The following SLC14A2 variants were observed in gnomAD, a reference collection of about 807,000 sequenced individuals.
The protein encoded by SLC14A2 is solute carrier family 14 member 2.
SLC14A2 carries 91 observed loss-of-function variants against 104.6 expected under a neutral mutation model. The ratio of observed to expected loss-of-function variants is 0.87; its 90% CI spans 0.73 to 1.04. The LOEUF is 1.04. SLC14A2 is among the 50% of genes least tolerant of loss of function. SLC14A2 has a pLI of 0.00. For missense variants in SLC14A2, 1,189 were observed against 1,156.0 expected (o/e 1.03, Z -0.41); for synonymous variants, 476 against 466.4 (o/e 1.02, Z -0.27).
chr18:45,310,343 A>G lies in SLC14A2; in HGVS notation c.-125+97152A>G, dbSNP rs117803183. On this transcript the variant is annotated intron_variant, in intron 1 of 20. Coordinates refer to the SLC14A2 transcript ENST00000586448. Reference sequence around the variant, plus strand: ...TCCATGGTGCTACCTCTTCACCCACACTTAGTTGTATCATACTTCGCCAGC... The same window carrying G: ...TCCATGGTGCTACCTCTTCACCCACGCTTAGTTGTATCATACTTCGCCAGC... Among the ~76,000 whole-genome samples the G allele has an allele frequency of 6.4e-4, 97 of 152,236 alleles. 1 individual carries two copies. The highest frequency in any genetic ancestry group is 4.6e-3 in the East Asian group (24 of 5,184).
At chr18:45,274,285 C>T (rs751217736) in intron 1 of SLC14A2, among the ~76,000 whole-genome samples, 1 of 152,168 alleles carries the variant, frequency 6.6e-6, no homozygotes, top group Admixed American at 6.6e-5. Flanking sequence ...CGAGGCTAAA[C>T]ATCTGGCTGA....
chr18:45,272,096 AT>A (rs1022782702), intron 1 of SLC14A2, among the ~76,000 whole-genome samples: 63 of 152,198 alleles, frequency 4.1e-4, no homozygotes, highest in Middle Eastern at 3.4e-3. Flanking sequence ...GAATAGCCAT[AT>A]GCTGATAAGG....
In SLC14A2 at chr18:45,683,326, G is replaced by T. The variant is rs1402474996; in HGVS notation, c.*807G>T. On this transcript the variant is annotated 3_prime_UTR_variant, in exon 20 of 20. Coordinates refer to ENST00000255226, the MANE Select transcript of SLC14A2 (RefSeq NM_007163.4). ...CTTAATCAGTTTCATGACAGGGAAG[G>T]ATTTGAAAGTCCTTTCCACCTCAGA... The T allele has an allele frequency of 1.3e-5, 2 of 152,184 alleles. No homozygotes were observed. Among genetic ancestry groups the T allele is most frequent in the Non-Finnish European group, 2.9e-5 (2 of 68,052 alleles). The allele number at this position is 152,184 out of a possible 1,614,324, so 9.4% of individuals were successfully genotyped here.
intron 1 of SLC14A2, among the ~76,000 whole-genome samples, chr18:45,475,429 G>A (rs996808474): frequency 6.6e-6 from 1 of 151,546 alleles, no homozygotes; most frequent in African/African-American, 2.4e-5. Flanking sequence ...TTAATTTTCT[G>A]TCTCATTGAT....
intron 1 of SLC14A2, among the ~76,000 whole-genome samples, chr18:45,295,826 C>G (rs543242273): frequency 6.6e-6 from 1 of 152,272 alleles, no homozygotes; most frequent in East Asian, 1.9e-4. Context: ...CAAAGAAACA[C>G]ATTTTTAGAT....
At chr18:45,226,567 G>A (rs57924617) in intron 1 of SLC14A2, among the ~76,000 whole-genome samples, 10,868 of 150,648 alleles carry the variant, frequency 0.072, 461 homozygotes, top group African/African-American at 0.11. Flanking sequence ...ACTATCACAA[G>A]GACAGAAAAC....
chr18:45,471,814 T>G (rs1031380077), intron 1 of SLC14A2, among the ~76,000 whole-genome samples: 1 of 152,126 alleles, frequency 6.6e-6, no homozygotes, highest in Non-Finnish European at 1.5e-5. Flanking sequence ...TTCTTGATAT[T>G]TTATTTTATA....
At chr18:45,522,661 GTTCA>G (rs1416905333) in intron 2 of SLC14A2, among the ~76,000 whole-genome samples, 1 of 152,188 alleles carries the variant, frequency 6.6e-6, no homozygotes, top group East Asian at 1.9e-4. Context: ...TTCCATTCAT[GTTCA>G]TTCATTTATT....
Position 45,678,265 on chromosome 18 carries a change from C to T in SLC14A2, c.2513-710C>T, listed in dbSNP as rs969006218. On this transcript the variant is annotated intron_variant, in intron 18 of 19. Coordinates refer to ENST00000255226, the MANE Select transcript of SLC14A2 (RefSeq NM_007163.4). ...AGTTTTCTCATGTGTGAAATGAAGA[C>T]GATAATAGTGCTTACACTGTAGGAA... Among the ~76,000 whole-genome samples, 11 of 152,086 alleles carry T rather than the reference C, an allele frequency of 7.2e-5. No homozygotes were observed. In the East Asian group the frequency reaches 7.7e-4, roughly 11 times the overall value.
chr18:45,584,505 CCTT>C (rs145360347), intron 2 of SLC14A2, among the ~76,000 whole-genome samples: 1,815 of 152,294 alleles, frequency 0.012, 40 homozygotes, highest in African/African-American at 0.042. Flanking sequence ...AAATGGCCCT[CCTT>C]CTAGGACTGC....
intron 4 of SLC14A2, among the ~76,000 whole-genome samples, chr18:45,631,025 A>G (rs1568305742): frequency 6.6e-6 from 1 of 152,112 alleles, no homozygotes; most frequent in African/African-American, 2.4e-5. Flanking sequence ...TTCCAAACCT[A>G]AGCCACAGCC....
intron 1 of SLC14A2, among the ~76,000 whole-genome samples, chr18:45,393,601 A>AG (rs2085995857): frequency 6.6e-6 from 1 of 152,220 alleles, no homozygotes; most frequent in Non-Finnish European, 1.5e-5. Flanking sequence ...AGAAGGTGGG[A>AG]GGGAGCTGGA....
chr18:45,460,820 C>G (rs59087990), intron 1 of SLC14A2, among the ~76,000 whole-genome samples: 3 of 152,112 alleles, frequency 2.0e-5, no homozygotes, highest in African/African-American at 7.2e-5. Context: ...TAGGCCTTGA[C>G]CTTGGGTGTC....
chr18:45,595,959 C>T (rs1035977532), intron 2 of SLC14A2, among the ~76,000 whole-genome samples: 1 of 152,150 alleles, frequency 6.6e-6, no homozygotes, highest in Non-Finnish European at 1.5e-5. Context: ...GGTCACAGGG[C>T]CCACATTGCT....
the SLC14A2 span, among the ~76,000 whole-genome samples, chr18:45,196,230 TA>T: frequency 5.9e-5 from 9 of 152,196 alleles, no homozygotes; most frequent in Non-Finnish European, 1.3e-4. Flanking sequence ...TTCAAAGAGG[TA>T]AGGGGGCAGT....
chr18:45,430,437 G>A (rs1280856161), intron 1 of SLC14A2, among the ~76,000 whole-genome samples: 1 of 152,186 alleles, frequency 6.6e-6, no homozygotes, highest in African/African-American at 2.4e-5. Context: ...AGGGAAATGA[G>A]AGGGATCTTG....
chr18:45,362,435 T>C (rs1338258237), intron 1 of SLC14A2, among the ~76,000 whole-genome samples: 1 of 152,180 alleles, frequency 6.6e-6, no homozygotes, highest in African/African-American at 2.4e-5. Context: ...TCTTCATTCC[T>C]AGGAGTGAAT....
intron 1 of SLC14A2, among the ~76,000 whole-genome samples, chr18:45,356,995 C>T (rs2144318605): frequency 6.6e-6 from 1 of 152,264 alleles, no homozygotes; most frequent in South Asian, 2.1e-4. Context: ...ATGCAGCAGG[C>T]TTCACTGGCC....
At chr18:45,479,032 G>C (rs970532522) in intron 1 of SLC14A2, among the ~76,000 whole-genome samples, 6 of 152,170 alleles carry the variant, frequency 3.9e-5, no homozygotes, top group African/African-American at 1.4e-4. Flanking sequence ...CTTTGCTTGA[G>C]GTCTTTGGCA....
Sources: gnomAD v4.1 joint callset for allele counts (sites outside exome capture counted in the v4.1 genomes callset) on GRCh38, gnomAD v4.1.1 for gene constraint, MANE v1.5 for transcripts, NCBI Gene and HGNC (gene_info 2026-07-23, HGNC 2026-07-21) for gene names.